The following USH2A variants were observed in gnomAD, a reference collection of about 807,000 sequenced individuals.
USH2A encodes the protein Usher syndrome 2A (autosomal recessive, mild).
In USH2A, 443 loss-of-function variants were observed where a neutral mutation model predicts 538.9. The observed-to-expected ratio is 0.82, with a 90% CI of 0.76 to 0.89. The LOEUF (loss-of-function observed/expected upper bound fraction) is 0.89. USH2A is among the 40% of genes least tolerant of loss of function. The pLI, the probability that USH2A is intolerant of heterozygous loss-of-function variation, is 0.00. For synonymous variants in USH2A, 2,413 were observed against 2,273.5 expected, an observed-to-expected ratio of 1.06 and a Z score of -1.75; for missense variants, 6,633 against 6,324.8, an observed-to-expected ratio of 1.05 and a Z score of -1.65.
At chr1:216,313,375 T>C (rs991245889) in intron 9 of USH2A, among the ~76,000 whole-genome samples, 1 of 152,178 alleles carries the variant, frequency 6.6e-6, no homozygotes, top group African/African-American at 2.4e-5. Flanking sequence ...AGCCCTGTGC[T>C]CATTGGCTGT....
intron 38 of USH2A, among the ~76,000 whole-genome samples, chr1:215,914,104 C>CAA (rs1665887333): frequency 7.5e-6 from 1 of 133,410 alleles, no homozygotes. Flanking sequence ...GACAGAGTCT[C>CAA]GCTCTGTCAC....
At chr1:216,157,922 G>A (rs1003851725) in intron 21 of USH2A, among the ~76,000 whole-genome samples, 4 of 151,894 alleles carry the variant, frequency 2.6e-5, no homozygotes, top group African/African-American at 7.3e-5. Context: ...TAACAAACCC[G>A]CATGTTGTAC....
At chr1:215,854,929 G>C (rs1352396372) in intron 44 of USH2A, among the ~76,000 whole-genome samples, 1 of 152,178 alleles carries the variant, frequency 6.6e-6, no homozygotes, top group African/African-American at 2.4e-5. Flanking sequence ...GCAGCTGCTG[G>C]CATTCATCCA....
chr1:216,341,347 G>A (rs965813849), intron 4 of USH2A, among the ~76,000 whole-genome samples: 13 of 151,928 alleles, frequency 8.6e-5, no homozygotes, highest in African/African-American at 2.9e-4. Flanking sequence ...AATAAGAGAA[G>A]AAATAAACAA....
intron 32 of USH2A, among the ~76,000 whole-genome samples, chr1:216,010,453 C>G (rs1282137741): frequency 6.6e-6 from 1 of 151,974 alleles, no homozygotes; most frequent in Non-Finnish European, 1.5e-5. Context: ...GACCCCTTCT[C>G]GGCTTAGTGG....
intron 61 of USH2A, among the ~76,000 whole-genome samples, chr1:215,697,283 G>A (rs1037322686): frequency 1.3e-5 from 2 of 151,866 alleles, no homozygotes; most frequent in Admixed American, 6.6e-5. Context: ...GATATTAGAC[G>A]ATAACATGGC....
At chr1:216,012,752 T>C (rs1194243673) in intron 32 of USH2A, among the ~76,000 whole-genome samples, 1 of 152,168 alleles carries the variant, frequency 6.6e-6, no homozygotes, top group Non-Finnish European at 1.5e-5. Flanking sequence ...TTTACCACTT[T>C]CCCTTCTCAG....
chr1:215,881,104 CTCAATCAA>C (rs566772874), intron 41 of USH2A, among the ~76,000 whole-genome samples: 2 of 152,074 alleles, frequency 1.3e-5, no homozygotes, highest in Non-Finnish European at 2.9e-5. Context: ...GAAACTCCAT[CTCAATCAA>C]TCAATCAATC....
In USH2A at chr1:215,677,287, C is replaced by T. The variant is rs547124049; in HGVS notation, c.12295-1671G>A. On this transcript the variant is annotated intron_variant, in intron 62 of 71. Coordinates refer to ENST00000307340, the MANE Select transcript of USH2A (RefSeq NM_206933.4). Reference sequence around the variant, plus strand: ...CTCCTTCCCCAAGACTTCACTACTGCCGTTATTCTCATTATCTCCTACGTC... The same window carrying T: ...CTCCTTCCCCAAGACTTCACTACTGTCGTTATTCTCATTATCTCCTACGTC... Among the ~76,000 whole-genome samples, 6 of 152,268 alleles carry T rather than the reference C, an allele frequency of 3.9e-5. No homozygotes were observed. The East Asian group carries it at 9.7e-4, about 24-fold the overall frequency.
chr1:216,201,791 GT>G, intron 16 of USH2A: 1 of 231,686 alleles, frequency 4.3e-6, no homozygotes, highest in Non-Finnish European at 9.7e-6. Flanking sequence ...TCTGGTGGCT[GT>G]TTTCAGTTGT....
In USH2A at chr1:216,190,331, T is replaced by C; in HGVS notation, c.4288A>G (p.Thr1430Ala). The change falls in exon 20 of 72, where the codon ACT becomes GCT. Residue 1430 changes from threonine to alanine, a missense_variant. Coordinates refer to ENST00000307340, the MANE Select transcript of USH2A (RefSeq NM_206933.4). ...HTAKSQELSY[T>A]VEGLKPYRIY... ...CTATAAGGTTTCAGTCCTTCTACAG[T>C]GTAAGATAGTTCTTGGGATTTAGCA... The C allele has an allele frequency of 3.1e-6, 5 of 1,612,140 alleles. No individual in the cohort carries two copies. Among genetic ancestry groups the C allele is most frequent in the South Asian group, 1.1e-5 (1 of 91,052 alleles).
chr1:215,903,432 C>A (rs1665553703), intron 38 of USH2A, among the ~76,000 whole-genome samples: 1 of 151,926 alleles, frequency 6.6e-6, no homozygotes, highest in Non-Finnish European at 1.5e-5. Context: ...GGAAGGTTTT[C>A]TAAAGACTGG....
At chr1:216,070,903 G>A (rs1264736214) in intron 29 of USH2A, among the ~76,000 whole-genome samples, 2 of 152,032 alleles carry the variant, frequency 1.3e-5, no homozygotes, top group East Asian at 1.9e-4. Context: ...ATTCTACAAA[G>A]TCATTTTCAA....
At chr1:215,724,673 A>C (rs1461735972) in intron 61 of USH2A, among the ~76,000 whole-genome samples, 1 of 152,224 alleles carries the variant, frequency 6.6e-6, no homozygotes, top group African/African-American at 2.4e-5. Context: ...CAGCTGCAAG[A>C]AGCTTAAAAA....
At chr1:215,635,931 A>C (rs1282521424) in intron 69 of USH2A, among the ~76,000 whole-genome samples, 1 of 145,102 alleles carries the variant, frequency 6.9e-6, no homozygotes, top group Non-Finnish European at 1.5e-5. Flanking sequence ...AAGGCAGTGA[A>C]ATTATGTTGT....
chr1:215,763,466 A>G (rs1216543428), intron 56 of USH2A, among the ~76,000 whole-genome samples: 1 of 151,802 alleles, frequency 6.6e-6, no homozygotes, highest in African/African-American at 2.4e-5. Context: ...AAGGGAGTTC[A>G]GGCTGAGGGG....
chr1:215,691,500 T>C (rs1003828845), intron 61 of USH2A, among the ~76,000 whole-genome samples: 1 of 152,200 alleles, frequency 6.6e-6, no homozygotes, highest in African/African-American at 2.4e-5. Context: ...TAGGTTTGCA[T>C]GAGTAACTTC....
At chr1:215,695,638 C>T (rs1420537706) in intron 61 of USH2A, among the ~76,000 whole-genome samples, 1 of 152,162 alleles carries the variant, frequency 6.6e-6, no homozygotes, top group Non-Finnish European at 1.5e-5. Flanking sequence ...AAGTATAGAA[C>T]CCAAGCCTGT....
At chr1:216,005,191 T>C (rs12129791) in intron 32 of USH2A, among the ~76,000 whole-genome samples, 23,729 of 152,136 alleles carry the variant, frequency 0.16, 2,142 homozygotes, top group Non-Finnish European at 0.21. Flanking sequence ...CAGGTGCTGC[T>C]CCTTCTGACT....
Sources: gnomAD v4.1 joint callset for allele counts (sites outside exome capture counted in the v4.1 genomes callset) on GRCh38, gnomAD v4.1.1 for gene constraint, MANE v1.5 for transcripts, NCBI Gene and HGNC (gene_info 2026-07-23, HGNC 2026-07-21) for gene names.